Variants in MALRD1 observed in about 807,000 individuals in gnomAD.
MALRD1 encodes the protein MAM and LDL receptor class A domain containing 1.
Under a neutral mutation model 242.1 loss-of-function variants are expected in MALRD1, and 247 were observed. The ratio of observed to expected loss-of-function variants is 1.02; its 90% CI spans 0.92 to 1.13. The LOEUF (loss-of-function observed/expected upper bound fraction) is 1.13, where lower values mean the gene tolerates loss of function less well. Ranked by LOEUF, MALRD1 falls within the 50% of genes most tolerant of loss-of-function variation. MALRD1 has a pLI of 0.00. For missense variants in MALRD1, 2,989 were observed against 2,533.1 expected (o/e 1.18, Z -3.86); for synonymous variants, 995 against 866.6 (o/e 1.15, Z -2.60).
At chr10:19,305,502 A>C (rs1310161556) in intron 21 of MALRD1, among the ~76,000 whole-genome samples, 1 of 151,414 alleles carries the variant, frequency 6.6e-6, no homozygotes, top group African/African-American at 2.4e-5. Context: ...AAAGCTAAAT[A>C]AAAGTATTGC....
chr10:19,527,604 G>C (rs1041908089), intron 31 of MALRD1, among the ~76,000 whole-genome samples: 1 of 152,104 alleles, frequency 6.6e-6, no homozygotes, highest in Non-Finnish European at 1.5e-5. Context: ...AAGTACATTA[G>C]TTATCATTAT....
At chr10:19,594,473 A>G (rs1365968480) in intron 33 of MALRD1, among the ~76,000 whole-genome samples, 2 of 152,174 alleles carry the variant, frequency 1.3e-5, no homozygotes, top group African/African-American at 2.4e-5. Context: ...TGATTCAGCA[A>G]TCTCACTACT....
chr10:19,624,944 G>A (rs1176792195), intron 36 of MALRD1, among the ~76,000 whole-genome samples: 1 of 149,478 alleles, frequency 6.7e-6, no homozygotes, highest in Non-Finnish European at 1.5e-5. Context: ...GCTCACACCT[G>A]TAATCCTAGC....
At chr10:19,571,505 G>C (rs980057882) in intron 33 of MALRD1, among the ~76,000 whole-genome samples, 1 of 151,992 alleles carries the variant, frequency 6.6e-6, no homozygotes, top group Non-Finnish European at 1.5e-5. Flanking sequence ...TCTTTTTCAC[G>C]TAAAATTTAA....
chr10:19,468,745 C>G lies in MALRD1; in HGVS notation c.5029+18255C>G, dbSNP rs543433328. Among the ~76,000 whole-genome samples, 18 of 152,124 alleles carry G rather than the reference C, an allele frequency of 1.2e-4. No homozygotes were observed. The South Asian group carries it at 3.7e-3, about 32-fold the overall frequency. On this transcript the variant is annotated intron_variant, in intron 29 of 39. Coordinates refer to ENST00000454679, the MANE Select transcript of MALRD1 (RefSeq NM_001142308.3). Reference sequence around the variant, plus strand: ...ATATAATCTGAAAGACTCTGTATCTCTAGTCTTTACAAGATCCCAGAAAAC... The same window carrying G: ...ATATAATCTGAAAGACTCTGTATCTGTAGTCTTTACAAGATCCCAGAAAAC...
At chr10:19,056,063 T>C (rs1174646646) in intron 1 of MALRD1, among the ~76,000 whole-genome samples, 5 of 152,226 alleles carry the variant, frequency 3.3e-5, no homozygotes, top group Non-Finnish European at 5.9e-5. Context: ...TGTCTGTTTT[T>C]GCTGGTCTAT....
At chr10:19,305,176 A>G (rs1842111693) in intron 21 of MALRD1, among the ~76,000 whole-genome samples, 1 of 151,682 alleles carries the variant, frequency 6.6e-6, no homozygotes, top group South Asian at 2.1e-4. Flanking sequence ...AGCAAATCGT[A>G]TCTATTTTAA....
chr10:19,635,019 T>A lies in MALRD1; in HGVS notation c.6137+19096T>A, dbSNP rs75714957. Among the ~76,000 whole-genome samples the A allele has an allele frequency of 9.2e-3, 1,404 of 152,238 alleles. 18 individuals are homozygous for A. Among genetic ancestry groups the A allele is most frequent in the African/African-American group, 0.032 (1,317 of 41,526 alleles). Reference sequence around the variant, plus strand: ...TGTAGCTTTTCCAGAACTGAATATTTGTCATGGCAAGGATCACAGACTGCC... The same window carrying A: ...TGTAGCTTTTCCAGAACTGAATATTAGTCATGGCAAGGATCACAGACTGCC... On this transcript the variant is annotated intron_variant, in intron 36 of 39. Transcript: ENST00000454679.
chr10:19,693,044 T>C lies in MALRD1; in HGVS notation c.6314+490T>C, dbSNP rs181328312. On this transcript the variant is annotated intron_variant, in intron 38 of 39. Transcript: ENST00000454679. Reference sequence around the variant, plus strand: ...CAACAGCCCTTCATGCTAAAAACTCTCAATAAATTAGGTATGGATGGGACA... The same window carrying C: ...CAACAGCCCTTCATGCTAAAAACTCCCAATAAATTAGGTATGGATGGGACA... 3.4e-4 allele frequency among the ~76,000 whole-genome samples: 51 copies of C among 151,920 alleles called. No homozygotes were observed. The East Asian group carries it at 9.9e-3, about 29-fold the overall frequency.
intron 18 of MALRD1, among the ~76,000 whole-genome samples, chr10:19,247,396 T>C (rs1839107770): frequency 6.6e-6 from 1 of 152,046 alleles, no homozygotes; most frequent in Non-Finnish European, 1.5e-5. Flanking sequence ...TTGCAAGGGC[T>C]TCTGAAGGTA....
intron 24 of MALRD1, among the ~76,000 whole-genome samples, chr10:19,334,875 G>A (rs979035902): frequency 6.6e-6 from 1 of 152,032 alleles, no homozygotes; most frequent in Non-Finnish European, 1.5e-5. Flanking sequence ...AATGTTTCCA[G>A]TGTATCTCTT....
chr10:19,507,233 A>T (rs969922736), intron 31 of MALRD1, among the ~76,000 whole-genome samples: 4 of 152,244 alleles, frequency 2.6e-5, no homozygotes, highest in African/African-American at 9.6e-5. Context: ...GTTAAGCATG[A>T]GATTTAGGCA....
intron 19 of MALRD1, among the ~76,000 whole-genome samples, chr10:19,258,468 G>T (rs1358144182): frequency 6.6e-6 from 1 of 152,106 alleles, no homozygotes; most frequent in African/African-American, 2.4e-5. Context: ...TAAAGTGCAC[G>T]ACAAGAGGGA....
chr10:19,433,818 T>C (rs10827401), intron 28 of MALRD1, among the ~76,000 whole-genome samples: 25,094 of 151,946 alleles, frequency 0.17, 2,811 homozygotes, highest in African/African-American at 0.33. Flanking sequence ...AGAATGTGTT[T>C]TCTATGTCCA....
chr10:19,167,808 C>T (rs934440329), intron 13 of MALRD1, among the ~76,000 whole-genome samples: 1 of 152,128 alleles, frequency 6.6e-6, no homozygotes, highest in Admixed American at 6.6e-5. Context: ...TTCCTCCTCC[C>T]ATGGAGTGAG....
intron 18 of MALRD1, among the ~76,000 whole-genome samples, chr10:19,239,194 G>T (rs1011597218): frequency 6.6e-6 from 1 of 151,708 alleles, no homozygotes; most frequent in Non-Finnish European, 1.5e-5. Flanking sequence ...GAGTAGCTGG[G>T]GTTACAGGCA....
intron 38 of MALRD1, among the ~76,000 whole-genome samples, chr10:19,702,816 A>G (rs1220587310): frequency 1.3e-5 from 2 of 152,180 alleles, no homozygotes; most frequent in Admixed American, 6.6e-5. Context: ...GCAGAAAACC[A>G]TCACCCTCTC....
At chr10:19,584,452 A>G (rs1317263810) in intron 33 of MALRD1, among the ~76,000 whole-genome samples, 1 of 152,090 alleles carries the variant, frequency 6.6e-6, no homozygotes, top group Non-Finnish European at 1.5e-5. Flanking sequence ...TTCAAAGAAC[A>G]TCTTTATTTC....
intron 5 of MALRD1, among the ~76,000 whole-genome samples, chr10:19,111,019 G>A (rs1028635345): frequency 6.6e-6 from 1 of 151,968 alleles, no homozygotes; most frequent in Non-Finnish European, 1.5e-5. Context: ...GAATTGAGAT[G>A]GCCTGTAATA....
Sources: allele counts gnomAD v4.1 joint callset (sites outside exome capture counted in the v4.1 genomes callset), GRCh38; gene constraint gnomAD v4.1.1; transcripts MANE v1.5; gene names NCBI Gene and HGNC (gene_info 2026-07-23, HGNC 2026-07-21).